SOX5: variants seen among roughly 807,000 people sequenced by gnomAD.
SOX5 encodes transcription factor SOX-5.
SOX5 carries 9 observed loss-of-function variants against 92.0 expected under a neutral mutation model. The ratio of observed to expected loss-of-function variants is 0.10; its 90% CI spans 0.06 to 0.17. The LOEUF is 0.17. Among genes scored for constraint, SOX5 ranks in the 10% least tolerant of loss-of-function variants. The pLI, the probability that SOX5 is intolerant of heterozygous loss-of-function variation, is 1.00. For missense variants in SOX5, 642 were observed against 944.5 expected, an observed-to-expected ratio of 0.68 and a Z score of 4.20; for synonymous variants, 344 against 336.3, an observed-to-expected ratio of 1.02 and a Z score of -0.25.
intron 1 of SOX5, among the ~76,000 whole-genome samples, chr12:24,543,369 G>A (rs147566531): frequency 5.7e-4 from 87 of 152,298 alleles, no homozygotes; most frequent in African/African-American, 2.0e-3. Flanking sequence ...CAAATACAAC[G>A]CTGTTTATTT....
chr12:23,965,000 C>T (rs1370209473), intron 4 of SOX5, among the ~76,000 whole-genome samples: 2 of 151,942 alleles, frequency 1.3e-5, no homozygotes, highest in Non-Finnish European at 2.9e-5. Context: ...CGCACAGGGG[C>T]GCGTGGTCAG....
intron 4 of SOX5, among the ~76,000 whole-genome samples, chr12:23,964,322 T>C (rs1947299530): frequency 2.0e-5 from 3 of 152,162 alleles, no homozygotes; most frequent in Admixed American, 2.0e-4. Flanking sequence ...TATATTACTG[T>C]CACCATGTTT....
intron 4 of SOX5, among the ~76,000 whole-genome samples, chr12:24,051,054 C>A (rs11047233): frequency 0.013 from 1,953 of 152,182 alleles, 39 homozygotes; most frequent in African/African-American, 0.045. Flanking sequence ...TTTCTCCACC[C>A]AAACTATAAT....
chr12:23,837,842 T>C (rs1174273546), intron 3 of SOX5, among the ~76,000 whole-genome samples: 1 of 92,534 alleles, frequency 1.1e-5, no homozygotes. Context: ...ATATAAGATA[T>C]ATTTATATTT....
At chr12:23,748,102 C>CT (rs1451976491) in intron 4 of SOX5, among the ~76,000 whole-genome samples, 1 of 151,834 alleles carries the variant, frequency 6.6e-6, no homozygotes, top group Non-Finnish European at 1.5e-5. Flanking sequence ...AATTTTTATA[C>CT]TATAGTAGTT....
At position 24,382,348 on chromosome 12, in the gene SOX5, G is replaced by A. The variant is rs1006491199; in HGVS notation, c.-250-13709C>T. Among the ~76,000 whole-genome samples the A allele has an allele frequency of 2.6e-5, 4 of 152,182 alleles. No homozygotes were observed. The South Asian group carries it at 8.3e-4, about 32-fold the overall frequency. On this transcript the variant is annotated intron_variant, in intron 1 of 4. Coordinates refer to the SOX5 transcript ENST00000446891. ...GAGAGCAAAGGCCCCAGGAGAGTTG[G>A]TGGCTTCCACCACATAGGAGAAAGA...
chr12:24,166,075 G>A (rs1953373234), intron 4 of SOX5, among the ~76,000 whole-genome samples: 1 of 152,094 alleles, frequency 6.6e-6, no homozygotes, highest in Admixed American at 6.6e-5. Context: ...CATAGAGGAG[G>A]AGCTGGGCTG....
intron 11 of SOX5, 78 bp downstream of exon 11, chr12:23,563,180 G>A (rs1051299119): frequency 8.5e-7 from 1 of 1,183,200 alleles, no homozygotes; most frequent in Admixed American, 2.1e-5. Flanking sequence ...ATAAGAAGAT[G>A]GAAATATATT....
At chr12:24,460,932 C>G (rs1350384269) in intron 1 of SOX5, among the ~76,000 whole-genome samples, 2 of 152,120 alleles carry the variant, frequency 1.3e-5, no homozygotes, top group Admixed American at 1.3e-4. Context: ...ACTTTGGTAA[C>G]TTAGAATTGG....
chr12:24,244,526 C>T (rs769081897), intron 3 of SOX5, among the ~76,000 whole-genome samples: 3 of 152,182 alleles, frequency 2.0e-5, no homozygotes, highest in Non-Finnish European at 2.9e-5. Context: ...TGGGTGCTAG[C>T]ACAGGCCCCT....
chr12:24,170,016 G>C (rs1953893842), intron 4 of SOX5, among the ~76,000 whole-genome samples: 2 of 147,100 alleles, frequency 1.4e-5, no homozygotes, highest in South Asian at 4.2e-4. Context: ...CTAAGTGTAA[G>C]GATAATGAAT....
intron 6 of SOX5, among the ~76,000 whole-genome samples, chr12:23,714,964 TAATA>T (rs1293453122): frequency 2.6e-5 from 4 of 152,142 alleles, no homozygotes; most frequent in Non-Finnish European, 5.9e-5. Flanking sequence ...CATAAGTAAT[TAATA>T]GATAGTGAAA....
chr12:24,137,414 C>T (rs113422190), intron 4 of SOX5, among the ~76,000 whole-genome samples: 18,832 of 152,084 alleles, frequency 0.12, 1,338 homozygotes, highest in Middle Eastern at 0.17. Context: ...GTGCGGATCA[C>T]GAGGTCAGAA....
intron 4 of SOX5, among the ~76,000 whole-genome samples, chr12:24,197,287 G>T (rs1957096754): frequency 6.6e-6 from 1 of 152,156 alleles, no homozygotes; most frequent in African/African-American, 2.4e-5. Flanking sequence ...GTCAGAAGAT[G>T]AGTGCCCTTC....
At chr12:23,838,759 C>T (rs974921423) in intron 3 of SOX5, among the ~76,000 whole-genome samples, 3 of 146,720 alleles carry the variant, frequency 2.0e-5, no homozygotes, top group South Asian at 2.1e-4. Context: ...GCTATGGACG[C>T]GCTATTGCTC....
intron 4 of SOX5, among the ~76,000 whole-genome samples, chr12:24,112,888 T>C (rs1390599539): frequency 6.6e-6 from 1 of 151,964 alleles, no homozygotes; most frequent in East Asian, 1.9e-4. Context: ...TCAATGGAAA[T>C]AACGGTCTTT....
chr12:24,158,710 C>T (rs751130054), intron 4 of SOX5, among the ~76,000 whole-genome samples: 1 of 151,882 alleles, frequency 6.6e-6, no homozygotes, highest in Non-Finnish European at 1.5e-5. Context: ...AGATACACCT[C>T]AAAAAGCAAA....
At chr12:24,555,691 G>A (rs1953704686) in intron 1 of SOX5, among the ~76,000 whole-genome samples, 2 of 152,078 alleles carry the variant, frequency 1.3e-5, no homozygotes, top group African/African-American at 4.8e-5. Context: ...AAAGCTCAAA[G>A]AAACTCAAAA....
intron 4 of SOX5, among the ~76,000 whole-genome samples, chr12:24,044,640 C>T (rs1326172941): frequency 1.3e-5 from 2 of 152,176 alleles, no homozygotes; most frequent in African/African-American, 4.8e-5. Context: ...AAATTCCTGG[C>T]TATCTCCAAA....
Sources: allele counts gnomAD v4.1 joint callset (sites outside exome capture counted in the v4.1 genomes callset), GRCh38; gene constraint gnomAD v4.1.1; transcripts MANE v1.5; gene names NCBI Gene and HGNC (gene_info 2026-07-23, HGNC 2026-07-21).